The following SAE1 variants were observed in gnomAD, a reference collection of about 807,000 sequenced individuals.
SAE1 encodes SUMO-activating enzyme subunit 1.
In SAE1, 11 loss-of-function variants were observed where a neutral mutation model predicts 40.6. That is an observed-to-expected ratio of 0.27 (90% CI 0.17 to 0.45). The LOEUF (loss-of-function observed/expected upper bound fraction) is 0.45. Ranked by LOEUF, SAE1 falls within the 20% of genes least tolerant of loss-of-function variation. SAE1 has a pLI of 1.00. For missense variants in SAE1, 373 were observed against 427.3 expected, an observed-to-expected ratio of 0.87 and a Z score of 1.12; for synonymous variants, 155 against 154.3, an observed-to-expected ratio of 1.00 and a Z score of -0.03.
intron 5 of SAE1, among the ~76,000 whole-genome samples, chr19:47,169,398 A>G (rs991744489): frequency 1.3e-5 from 2 of 152,024 alleles, no homozygotes; most frequent in African/African-American, 4.8e-5. Flanking sequence ...GGCGGCCGCC[A>G]GCATGCCTAG....
At chr19:47,131,235 C>T (rs559503171) in intron 1 of SAE1, 20 of 1,280,554 alleles carry the variant, frequency 1.6e-5, no homozygotes. Flanking sequence ...AGGGCCGTTC[C>T]GAAGGATGGG....
intron 6 of SAE1, among the ~76,000 whole-genome samples, chr19:47,188,613 C>T (rs186470431): frequency 8.0e-4 from 122 of 152,284 alleles, no homozygotes; most frequent in Non-Finnish European, 1.3e-3. Flanking sequence ...AGATACTGCC[C>T]CAGGCACTCT....
intron 7 of SAE1, among the ~76,000 whole-genome samples, chr19:47,203,097 A>T (rs529613965): frequency 9.9e-5 from 15 of 152,184 alleles, no homozygotes; most frequent in African/African-American, 3.6e-4. Context: ...GCTTACTAGG[A>T]TGGGTAACTT....
chr19:47,150,174 C>A, intron 2 of SAE1, 28 bp from the exon 3 acceptor site: 1 of 1,437,530 alleles, frequency 7.0e-7, no homozygotes, highest in South Asian at 1.4e-5. Flanking sequence ...AAATACAAGA[C>A]TTAAAAAAAT....
chr19:47,193,090 C>T (rs1168726428), intron 6 of SAE1, among the ~76,000 whole-genome samples: 2 of 144,928 alleles, frequency 1.4e-5, no homozygotes, highest in East Asian at 4.1e-4. Context: ...CAGAGTCTTG[C>T]TCTGTCGCCC....
intron 7 of SAE1, 37 bp from the exon 8 acceptor site, chr19:47,203,634 C>A (rs376048834): frequency 2.0e-5 from 32 of 1,584,518 alleles, no homozygotes; most frequent in Non-Finnish European, 2.7e-5. Flanking sequence ...CAGTTCTGTT[C>A]CCAGTGCTCC....
At position 47,167,930 on chromosome 19, in the gene SAE1, C is replaced by T. The variant is rs111593906; in HGVS notation, c.628-1888C>T. On this transcript the variant is annotated intron_variant, in intron 5 of 8. Coordinates refer to ENST00000270225, the MANE Select transcript of SAE1 (RefSeq NM_005500.3). ...TTTTCTGGCTAGGCACAGTGGCTCA[C>T]GCCTATAATCCCAACACTTTGGGAG... Among the ~76,000 whole-genome samples the T allele has an allele frequency of 7.5e-3, 1,142 of 152,258 alleles. 14 individuals are homozygous for T. Among genetic ancestry groups the T allele is most frequent in the African/African-American group, 0.025 (1,050 of 41,544 alleles).
chr19:47,183,965 G>C (rs1320344336), intron 6 of SAE1, among the ~76,000 whole-genome samples: 2 of 152,172 alleles, frequency 1.3e-5, no homozygotes, highest in Non-Finnish European at 2.9e-5. Flanking sequence ...CAATGCATTA[G>C]GGGCCCATGG....
chr19:47,179,314 TG>T (rs1411101271), intron 6 of SAE1, among the ~76,000 whole-genome samples: 1 of 151,870 alleles, frequency 6.6e-6, no homozygotes, highest in Non-Finnish European at 1.5e-5. Context: ...GAGACCAGCC[TG>T]GGCAACATGG....
chr19:47,197,485 T>C, intron 7 of SAE1, 108 bp downstream of exon 7: 1 of 860,630 alleles, frequency 1.2e-6, no homozygotes, highest in Non-Finnish European at 1.8e-6. Flanking sequence ...GAGAGCACCC[T>C]GCCACATTCT....
chr19:47,206,413 T>A (rs1235087527), intron 8 of SAE1, among the ~76,000 whole-genome samples: 1 of 152,236 alleles, frequency 6.6e-6, no homozygotes, highest in African/African-American at 2.4e-5. Flanking sequence ...TGAGGCACTG[T>A]CTGAGCGCCT....
At chr19:47,206,800 A>G (rs1168122480) in intron 8 of SAE1, among the ~76,000 whole-genome samples, 4 of 152,142 alleles carry the variant, frequency 2.6e-5, no homozygotes, top group South Asian at 4.1e-4. Flanking sequence ...AGCAGCTCCT[A>G]CTTACTAAGA....
In SAE1 at chr19:47,131,032, A is replaced by G; in HGVS notation, c.98+4A>G. 2 of 1,531,952 alleles carry G rather than the reference A, an allele frequency of 1.3e-6. No homozygotes were observed. The highest frequency in any genetic ancestry group is 1.8e-6 in the Non-Finnish European group (2 of 1,139,004). The allele number at this position is 1,531,952 out of a possible 1,614,324, so 94.9% of individuals were successfully genotyped here. On this transcript the variant is annotated splice_donor_region_variant and intron_variant, in intron 1 of 8. Coordinates refer to ENST00000270225, the MANE Select transcript of SAE1 (RefSeq NM_005500.3). ...GGGGACTGGAGGCCCAGAAACGGTC[A>G]GGGCCGGCGCGGCTTGAGGCCGCTA...
chr19:47,203,399 T>C (rs958151277), intron 7 of SAE1, among the ~76,000 whole-genome samples: 15 of 152,338 alleles, frequency 9.8e-5, no homozygotes, highest in Middle Eastern at 3.4e-3. Context: ...AGCACAGATA[T>C]AGTCTTTCCT....
At chr19:47,168,330 C>G (rs1568597314) in intron 5 of SAE1, among the ~76,000 whole-genome samples, 1 of 152,090 alleles carries the variant, frequency 6.6e-6, no homozygotes, top group East Asian at 1.9e-4. Context: ...CTCTCTCTCT[C>G]TGTTTTTTCT....
intron 1 of SAE1, chr19:47,142,398 A>AAAAAG: frequency 6.6e-6 from 1 of 152,502 alleles, no homozygotes; most frequent in Admixed American, 6.6e-5. Flanking sequence ...AAAAAAAAAA[A>AAAAAG]AAAGGTAAAA....
intron 6 of SAE1, among the ~76,000 whole-genome samples, chr19:47,191,570 CTG>C (rs1461357367): frequency 6.6e-6 from 1 of 152,186 alleles, no homozygotes; most frequent in Non-Finnish European, 1.5e-5. Context: ...CACGTGGAAA[CTG>C]AGGCTGCCTG....
intron 6 of SAE1, among the ~76,000 whole-genome samples, chr19:47,174,930 A>G (rs1342795322): frequency 1.3e-5 from 2 of 151,796 alleles, no homozygotes; most frequent in African/African-American, 4.8e-5. Context: ...GCTGGTCTCA[A>G]ACTCCTGACC....
Position 47,169,761 on chromosome 19 carries a change from C to T in SAE1, c.628-57C>T, listed in dbSNP as rs538712109. On this transcript the variant is annotated intron_variant, in intron 5 of 8. Coordinates refer to ENST00000270225, the MANE Select transcript of SAE1 (RefSeq NM_005500.3). ...TTCTGCAATAGAGAAGAGCAACTGC[C>T]TTGTGATTGGAAGCCAGCATATGTT... The T allele has an allele frequency of 8.6e-5, 99 of 1,155,236 alleles. 1 individual carries two copies. In the South Asian group the frequency reaches 1.2e-3, roughly 14 times the overall value. 71.6% of individuals were successfully genotyped at this position (1,155,236 alleles called of 1,614,324 possible).
Sources: gnomAD v4.1 joint callset for allele counts (sites outside exome capture counted in the v4.1 genomes callset) on GRCh38, gnomAD v4.1.1 for gene constraint, MANE v1.5 for transcripts, NCBI Gene and HGNC (gene_info 2026-07-23, HGNC 2026-07-21) for gene names.